The following NRXN2 variants were observed in gnomAD, a reference collection of about 807,000 sequenced individuals.
NRXN2 encodes neurexin 2.
NRXN2 carries 29 observed loss-of-function variants against 128.8 expected under a neutral mutation model. That is an observed-to-expected ratio of 0.23 (90% CI 0.17 to 0.31). The LOEUF (loss-of-function observed/expected upper bound fraction) is 0.31, where lower values mean the gene tolerates loss of function less well. Ranked by LOEUF, NRXN2 falls within the 10% of genes least tolerant of loss-of-function variation. NRXN2 has a pLI of 1.00. For missense variants in NRXN2, 1,881 were observed against 2,452.6 expected (o/e 0.77, Z 4.92); for synonymous variants, 1,098 against 1,075.2 (o/e 1.02, Z -0.41).
chr11:64,711,459 C>T (rs2056882311), intron 2 of NRXN2, among the ~76,000 whole-genome samples: 1 of 152,184 alleles, frequency 6.6e-6, no homozygotes. Flanking sequence ...ATGGAAGAGG[C>T]TCCTCCCAGT....
At chr11:64,717,588 G>A (rs1025025203) in intron 1 of NRXN2, among the ~76,000 whole-genome samples, 4 of 152,262 alleles carry the variant, frequency 2.6e-5, no homozygotes, top group Non-Finnish European at 2.9e-5. Context: ...ACCCTCTCCC[G>A]ATAACTCTTC....
At chr11:64,652,444 T>C (rs937579400) in intron 12 of NRXN2, among the ~76,000 whole-genome samples, 1 of 152,096 alleles carries the variant, frequency 6.6e-6, no homozygotes, top group Non-Finnish European at 1.5e-5. Context: ...GCCATGCACA[T>C]AGAATATTAA....
intron 2 of NRXN2, among the ~76,000 whole-genome samples, chr11:64,701,998 A>G (rs1181709096): frequency 1.1e-5 from 1 of 94,584 alleles, no homozygotes; most frequent in African/African-American, 4.4e-5. Flanking sequence ...TCCGGGAGGG[A>G]GGTGGGGGGG....
chr11:64,709,839 A>G (rs755938017), intron 2 of NRXN2, among the ~76,000 whole-genome samples: 1 of 151,434 alleles, frequency 6.6e-6, no homozygotes, highest in Non-Finnish European at 1.5e-5. Context: ...CACACTCCAC[A>G]TATACACAAG....
intron 22 of NRXN2, among the ~76,000 whole-genome samples, chr11:64,612,799 C>A (rs1164133340): frequency 6.6e-6 from 1 of 152,254 alleles, no homozygotes; most frequent in Non-Finnish European, 1.5e-5. Flanking sequence ...GGCAAGAAAG[C>A]CACCAGCCTA....
chr11:64,681,132 G>C (rs1171466168), intron 6 of NRXN2, among the ~76,000 whole-genome samples: 2 of 148,024 alleles, frequency 1.4e-5, no homozygotes, highest in Admixed American at 6.7e-5. Flanking sequence ...AAAAAAAAGT[G>C]AATTGTGAAT....
In NRXN2 at chr11:64,661,196, T is replaced by G. The variant is rs2048982201; in HGVS notation, c.1799-57A>C. On this transcript the variant is annotated intron_variant, in intron 9 of 22. Transcript: ENST00000265459. ...AGCCACAGGCCAGAAAGGGACATCC[T>G]GACTCTGCCAAGAAGGCCCCCCACC... 56 of 1,608,956 alleles carry G rather than the reference T, an allele frequency of 3.5e-5. No individual in the cohort carries two copies. The South Asian group carries it at 6.2e-4, about 18-fold the overall frequency.
chr11:64,616,966 C>A (rs1236634021), intron 22 of NRXN2, among the ~76,000 whole-genome samples: 1 of 152,202 alleles, frequency 6.6e-6, no homozygotes, highest in African/African-American at 2.4e-5. Context: ...GAGTTGGTAG[C>A]TCTGAGTGCA....
At chr11:64,704,204 C>T (rs1451677166) in intron 2 of NRXN2, among the ~76,000 whole-genome samples, 1 of 152,110 alleles carries the variant, frequency 6.6e-6, no homozygotes, top group Non-Finnish European at 1.5e-5. Flanking sequence ...CAAGACTTCA[C>T]TCCCCCAGCA....
At chr11:64,609,838 C>G (rs1342614838) in intron 22 of NRXN2, among the ~76,000 whole-genome samples, 1 of 152,118 alleles carries the variant, frequency 6.6e-6, no homozygotes, top group Non-Finnish European at 1.5e-5. Flanking sequence ...TCGCTGGTCT[C>G]TGCAGGGTGT....
At chr11:64,611,685 G>C (rs901197524) in intron 22 of NRXN2, among the ~76,000 whole-genome samples, 1 of 152,064 alleles carries the variant, frequency 6.6e-6, no homozygotes, top group Non-Finnish European at 1.5e-5. Context: ...CAGGCTCCTC[G>C]GGTCACCCTT....
intron 12 of NRXN2, 147 bp downstream of exon 12, chr11:64,653,549 G>A: frequency 1.2e-6 from 1 of 807,260 alleles, no homozygotes; most frequent in Non-Finnish European, 2.1e-6. Flanking sequence ...TCACCCTCCT[G>A]CCTGCACCCC....
chr11:64,700,141 C>T (rs1010872195), intron 2 of NRXN2, among the ~76,000 whole-genome samples: 1 of 152,192 alleles, frequency 6.6e-6, no homozygotes, highest in African/African-American at 2.4e-5. Flanking sequence ...CTGCCCTCCA[C>T]ATTCCTCTTA....
In NRXN2 at chr11:64,648,762, G is replaced by A; in HGVS notation, c.3255C>T (p.Arg1085=). Residue 1085 remains arginine, a synonymous_variant, in exon 16 of 23, where the codon CGC becomes CGT. Coordinates refer to ENST00000265459, the MANE Select transcript of NRXN2 (RefSeq NM_015080.4). The surrounding 1 kb of genome is among the most constrained non-coding windows in gnomAD (Gnocchi z 4.1). ...CACAGCCCCTCTCCACCTGCCCAAT[G>A]CGGTGCAGGGCGTCGGCGATGAGGT... ...LPDLIADALH[R]IGQVERGCDG... is the part of the protein sequence containing the mutation. 1 of 1,614,096 alleles carries A rather than the reference G, an allele frequency of 6.2e-7. No individual in the cohort carries two copies. The highest frequency in any genetic ancestry group is 8.5e-7 in the Non-Finnish European group (1 of 1,180,008).
intron 17 of NRXN2, among the ~76,000 whole-genome samples, chr11:64,643,928 C>A (rs1230133651): frequency 7.7e-6 from 1 of 129,524 alleles, no homozygotes; most frequent in Non-Finnish European, 1.6e-5. Context: ...TGCTGAGATG[C>A]CGCGGCGGCC....
chr11:64,643,419 G>T (rs564417250), intron 17 of NRXN2: 6 of 238,280 alleles, frequency 2.5e-5, no homozygotes, highest in Non-Finnish European at 3.9e-5. Flanking sequence ...GGAATGAAGG[G>T]ATAGGAGAGG....
Position 64,648,137 on chromosome 11 carries a change from CCT to C in NRXN2, c.3403+80_3403+81del. ...GCACAGCTCCTGAATGCTCAGAGGC[CCT>C]GTTTCCTCCCTGGCAGCCCCTATGG... On this transcript the variant is annotated intron_variant, in intron 17 of 22. Transcript: ENST00000265459. This position sits in a 1 kb window ranked among gnomAD's most constrained non-coding sequence, Gnocchi z 4.1. 1.3e-6 allele frequency: 2 copies of C among 1,589,376 alleles called. No homozygotes were observed. The highest frequency in any genetic ancestry group is 1.1e-5 in the South Asian group (1 of 90,508).
intron 9 of NRXN2, among the ~76,000 whole-genome samples, chr11:64,665,773 G>A (rs1296272103): frequency 6.6e-6 from 1 of 152,164 alleles, no homozygotes; most frequent in Admixed American, 6.5e-5. Flanking sequence ...GTTGATAAGT[G>A]CTTAAATTGG....
chr11:64,693,320 T>C (rs1467157561), intron 3 of NRXN2, among the ~76,000 whole-genome samples: 1 of 151,344 alleles, frequency 6.6e-6, no homozygotes, highest in East Asian at 1.9e-4. Flanking sequence ...TTTTTCTTTT[T>C]TTTTTTCTTC....
Sources: allele counts gnomAD v4.1 joint callset (sites outside exome capture counted in the v4.1 genomes callset), GRCh38; gene constraint gnomAD v4.1.1; non-coding constraint Gnocchi (gnomAD v3.1); transcripts MANE v1.5; gene names NCBI Gene and HGNC (gene_info 2026-07-23, HGNC 2026-07-21).